The following KY variants were observed in gnomAD, a reference collection of about 807,000 sequenced individuals.
KY encodes kyphoscoliosis peptidase.
KY carries 43 observed loss-of-function variants against 76.1 expected under a neutral mutation model. The ratio of observed to expected loss-of-function variants is 0.57; its 90% CI spans 0.44 to 0.73. The LOEUF is 0.73. KY is among the 30% of genes least tolerant of loss of function. KY has a pLI of 0.00. For missense variants in KY, 722 were observed against 828.9 expected (o/e 0.87, Z 1.58); for synonymous variants, 277 against 326.2 (o/e 0.85, Z 1.63).
At chr3:134,630,223 G>A (rs1434240184) in intron 3 of KY, among the ~76,000 whole-genome samples, 1 of 152,180 alleles carries the variant, frequency 6.6e-6, no homozygotes, top group Non-Finnish European at 1.5e-5. Flanking sequence ...ATCTTTTGTT[G>A]TTGTTTTTCC....
At chr3:134,606,061 C>T (rs1262356747) in intron 10 of KY, among the ~76,000 whole-genome samples, 1 of 152,238 alleles carries the variant, frequency 6.6e-6, no homozygotes, top group Non-Finnish European at 1.5e-5. Flanking sequence ...TTGCTATCCC[C>T]TCTTGGTGAA....
chr3:134,613,978 A>G (rs1023201018), intron 8 of KY, among the ~76,000 whole-genome samples: 1 of 152,236 alleles, frequency 6.6e-6, no homozygotes, highest in African/African-American at 2.4e-5. Context: ...ACATGGCACC[A>G]TACAACGCAA....
At chr3:134,641,056 T>C (rs910234152) in intron 3 of KY, 2 of 152,558 alleles carry the variant, frequency 1.3e-5, no homozygotes, top group African/African-American at 4.8e-5. Flanking sequence ...AATTTCCTGC[T>C]CCTTGAACAT....
intron 3 of KY, among the ~76,000 whole-genome samples, chr3:134,642,690 G>A (rs982466525): frequency 5.9e-5 from 9 of 152,198 alleles, no homozygotes; most frequent in African/African-American, 2.2e-4. Context: ...AGGAGAGGCC[G>A]AAGAACTGCT....
Position 134,629,699 on chromosome 3 carries a change from C to A in KY, c.263-4G>T. The A allele has an allele frequency of 3.2e-6, 5 of 1,582,584 alleles. No individual in the cohort carries two copies. The highest frequency in any genetic ancestry group is 4.3e-6 in the Non-Finnish European group (5 of 1,163,194). On this transcript the variant is annotated splice_polypyrimidine_tract_variant and splice_region_variant and intron_variant, in intron 3 of 10. Coordinates refer to ENST00000423778, the MANE Select transcript of KY (RefSeq NM_178554.6). ...ACTTCCACAGTCAGTTGTGTCCCTA[C>A]AAAGGAAAAGGAGATGACATTCTCA...
chr3:134,601,941 C>G lies in KY; in HGVS notation c.*1638G>C, dbSNP rs1034166497. Among the ~76,000 whole-genome samples, 1 of 152,142 alleles carries G rather than the reference C, an allele frequency of 6.6e-6. No homozygotes were observed. The highest frequency in any genetic ancestry group is 1.5e-5 in the Non-Finnish European group (1 of 68,032). On this transcript the variant is annotated 3_prime_UTR_variant, in exon 11 of 11. Transcript: ENST00000423778. ...ACCCTGTACTCTGGATGGCAGGGGCCGGGCCCCCTTGGTTCACCTCTGTAG... is the reference window on the plus strand; with the variant it reads ...ACCCTGTACTCTGGATGGCAGGGGCGGGGCCCCCTTGGTTCACCTCTGTAG...
In KY at chr3:134,624,178, C is replaced by G. The variant is rs563797984; in HGVS notation, c.483+875G>C. The stretch of plus-strand genomic sequence containing the variant: ...CAGCTATCTGGGAGCCCCTCTCCCC[C>G]ACCTCCCACCCACTCCACACCCACT... On this transcript the variant is annotated intron_variant, in intron 6 of 10. Transcript: ENST00000423778. Among the ~76,000 whole-genome samples the G allele has an allele frequency of 6.8e-4, 104 of 152,282 alleles. 1 individual carries two copies. Among genetic ancestry groups the G allele is most frequent in the African/African-American group, 2.4e-3 (98 of 41,564 alleles).
Position 134,608,835 on chromosome 3 carries a change from T to C in KY, c.904A>G (p.Asn302Asp), listed in dbSNP as rs774827585. The change falls in exon 10 of 11, where the codon AAT becomes GAT. Residue 302 changes from asparagine (N) to aspartate (D), a missense_variant. Asn to Asp is a conservative substitution (Grantham distance 23). Transcript: ENST00000423778. ...TITSKFTFLY[N>D]EFYFLTHPAL... ...GGGTGGGTGAGGAAGTAGAACTCAT[T>C]GTAGCTGGAGCAGAGACAAGCTGGT... 1.9e-6 allele frequency: 3 copies of C among 1,608,046 alleles called. No individual in the cohort carries two copies. The highest frequency in any genetic ancestry group is 1.1e-5 in the South Asian group (1 of 90,586).
Position 134,647,486 on chromosome 3 carries a change from C to T in KY, c.148G>A (p.Val50Ile), listed in dbSNP as rs1436319006. 1.9e-6 allele frequency: 3 copies of T among 1,608,776 alleles called. No homozygotes were observed. Among genetic ancestry groups the T allele is most frequent in the East Asian group, 4.5e-5 (2 of 44,864 alleles). The change falls in exon 2 of 11, where the codon GTT (valine) becomes ATT (isoleucine). Residue 50 changes from valine (V) to isoleucine (I), a missense_variant. Coordinates refer to ENST00000423778, the MANE Select transcript of KY (RefSeq NM_178554.6). Reference protein sequence around the residue: ...LLQRGGGFQGVGNGVRRWQKL... With the variant: ...LLQRGGGFQGIGNGVRRWQKL... ...TGCCATCTTCGGACTCCATTTCCAA[C>T]ACCTTGGAATCCTGCAAAATAACAA... is the stretch of plus-strand genomic sequence containing the variant.
chr3:134,650,593 C>A (rs537740525), intron 1 of KY, among the ~76,000 whole-genome samples: 6 of 152,316 alleles, frequency 3.9e-5, no homozygotes, highest in Non-Finnish European at 8.8e-5. Flanking sequence ...CACCCACAGG[C>A]CTGCACAGGG....
intron 3 of KY, among the ~76,000 whole-genome samples, chr3:134,630,426 G>C (rs928536407): frequency 2.0e-5 from 3 of 152,176 alleles, no homozygotes; most frequent in African/African-American, 7.2e-5. Flanking sequence ...GTTTTCTGCT[G>C]ATTTGCCCCA....
rs1210295267 is a variant in KY, at chr3:134,604,091, C to T, written c.1474G>A (p.Val492Ile). The T allele has an allele frequency of 2.5e-6, 4 of 1,613,042 alleles. No individual in the cohort carries two copies. The highest frequency in any genetic ancestry group is 2.7e-5 in the African/African-American group (2 of 74,902). Reference sequence around the variant, plus strand: ...TCATCCCCGTGGAGGGAAGCCAGGACATTAATGCCCTCCTCCACGCTGAAG... The same window carrying T: ...TCATCCCCGTGGAGGGAAGCCAGGATATTAATGCCCTCCTCCACGCTGAAG... ...ISFSVEEGIN[V>I]LASLHGDDGP... Residue 492 changes from valine (V) to isoleucine (I), a missense_variant, in exon 11 of 11, where the codon GTC becomes ATC. Val to Ile is a conservative substitution (Grantham distance 29, BLOSUM62 3). Around this residue, in one of 2 missense-constraint regions of KY, gnomAD observed 552 missense variants for 680.9 expected, o/e 0.81. Transcript: ENST00000423778.
chr3:134,622,767 G>T (rs929084412), intron 6 of KY, among the ~76,000 whole-genome samples: 1 of 152,166 alleles, frequency 6.6e-6, no homozygotes, highest in South Asian at 2.1e-4. Flanking sequence ...TGGAAAGATG[G>T]CTCTGACCAT....
chr3:134,619,107 A>G, intron 8 of KY, 41 bp downstream of exon 8: 3 of 1,501,918 alleles, frequency 2.0e-6, no homozygotes, highest in Non-Finnish European at 2.8e-6. Context: ...AGGGAGAGGG[A>G]TGGGTCCGGT....
At position 134,627,824 on chromosome 3, in the gene KY, A is replaced by G. The variant is rs750191292; in HGVS notation, c.338-6T>C. Reference sequence around the variant, plus strand: ...ATTTTTATCACCTTGTAAACCTACAATATTCCAAAGATCAGAAGTATAGAT... The same window carrying G: ...ATTTTTATCACCTTGTAAACCTACAGTATTCCAAAGATCAGAAGTATAGAT... On this transcript the variant is annotated splice_region_variant and splice_polypyrimidine_tract_variant and intron_variant, in intron 4 of 10. Transcript: ENST00000423778. 2 of 1,610,962 alleles carry G rather than the reference A, an allele frequency of 1.2e-6. No homozygotes were observed. Among genetic ancestry groups the G allele is most frequent in the Admixed American group, 3.3e-5 (2 of 60,020 alleles).
chr3:134,608,378 G>A (rs1194502116), intron 10 of KY: 1 of 1,399,776 alleles, frequency 7.1e-7, no homozygotes, highest in East Asian at 3.4e-5. Context: ...GAAACCTGCA[G>A]CCTTCAGACA....
intron 1 of KY, among the ~76,000 whole-genome samples, chr3:134,649,664 C>T (rs767736485): frequency 3.9e-5 from 6 of 152,236 alleles, no homozygotes; most frequent in Non-Finnish European, 7.3e-5. Flanking sequence ...GAGCGCCTGT[C>T]AACATACTCA....
chr3:134,627,559 A>T (rs1963622867), intron 5 of KY, among the ~76,000 whole-genome samples, 197 bp downstream of exon 5: 3 of 152,204 alleles, frequency 2.0e-5, no homozygotes, highest in South Asian at 4.1e-4. Flanking sequence ...CATCTGGTGC[A>T]TGAGCTTTTT....
intron 3 of KY, among the ~76,000 whole-genome samples, chr3:134,638,389 C>T (rs989226129): frequency 3.3e-5 from 5 of 152,130 alleles, no homozygotes; most frequent in Admixed American, 3.3e-4. Flanking sequence ...CTAAGTACAG[C>T]CTAAGTACAG....
Sources: gnomAD v4.1 joint callset for allele counts (sites outside exome capture counted in the v4.1 genomes callset) on GRCh38, gnomAD v4.1.1 for gene constraint, gnomAD v4.1.1 regional missense constraint, MANE v1.5 for transcripts, NCBI Gene and HGNC (gene_info 2026-07-23, HGNC 2026-07-21) for gene names.